PCDHGA3: variants seen among roughly 807,000 people sequenced by gnomAD.
The protein encoded by PCDHGA3 is protocadherin gamma-A3.
A neutral mutation model predicts 58.5 loss-of-function variants in PCDHGA3; 40 were observed. The observed-to-expected ratio is 0.68, with a 90% CI of 0.53 to 0.89. PCDHGA3 has a LOEUF of 0.89. Among genes scored for constraint, PCDHGA3 ranks in the 40% least tolerant of loss-of-function variants. The probability of loss-of-function intolerance (pLI) is 0.00; values close to 1 mark genes in which losing one functional copy is unlikely to be tolerated. For synonymous variants in PCDHGA3, 530 were observed against 525.7 expected (o/e 1.01, Z -0.11); for missense variants, 1,223 against 1,195.9 (o/e 1.02, Z -0.33).
rs781198519 is a variant in PCDHGA3 at position 141,432,162 on chromosome 5, G to A, written c.2425-62645G>A. ...TATATCCCAGAGAACAATCCCAGAG[G>A]AGTTTCCCTCGTCTCTGTGACCGCC... On this transcript the variant is annotated intron_variant, in intron 1 of 3. Coordinates refer to ENST00000253812, the MANE Select transcript of PCDHGA3 (RefSeq NM_018916.4). The surrounding 1 kb of genome is among the most constrained non-coding windows in gnomAD (Gnocchi z 6.0). 1 of 1,614,070 alleles carries A rather than the reference G, an allele frequency of 6.2e-7. No homozygotes were observed. The highest frequency in any genetic ancestry group is 8.5e-7 in the Non-Finnish European group (1 of 1,180,030).
At chr5:141,499,707 T>G (rs1303008532) in intron 2 of PCDHGA3, among the ~76,000 whole-genome samples, 2 of 150,494 alleles carry the variant, frequency 1.3e-5, no homozygotes, top group African/African-American at 2.5e-5. Flanking sequence ...TTTTTTTTTT[T>G]TTTTGGAGAC....
At chr5:141,407,958 A>C (rs1018466165) in intron 1 of PCDHGA3, 1 of 660,632 alleles carries the variant, frequency 1.5e-6, no homozygotes, top group African/African-American at 1.8e-5. Context: ...GCCAGTGCAG[A>C]GCAAGCGCTG....
chr5:141,345,630 A>G lies in PCDHGA3; in HGVS notation c.1597A>G (p.Thr533Ala). 1 of 1,614,206 alleles carries G rather than the reference A, an allele frequency of 6.2e-7. No homozygotes were observed. The highest frequency in any genetic ancestry group is 8.5e-7 in the Non-Finnish European group (1 of 1,180,048). ...ATTTAGAGACTTAAAGCTACTGGTG[A>G]CAGCCAGCGACAGCGGGAACCCTCC... ...EQFRDLKLLVTASDSGNPPLS... is the reference protein window; with the variant it reads ...EQFRDLKLLVAASDSGNPPLS... Residue 533 changes from threonine (T) to alanine (A), a missense_variant, in exon 1 of 4, where the codon ACA becomes GCA. Around this residue, in one of 3 missense-constraint regions of PCDHGA3, gnomAD observed 791 missense variants for 708.5 expected, o/e 1.12. Transcript: ENST00000253812.
In PCDHGA3 at chr5:141,476,978, C is replaced by G; in HGVS notation, c.2425-17829C>G. 1.2e-6 allele frequency: 2 copies of G among 1,614,256 alleles called. No individual in the cohort carries two copies. Among genetic ancestry groups the G allele is most frequent in the Non-Finnish European group, 1.7e-6 (2 of 1,180,058 alleles). Reference sequence around the variant, plus strand: ...TATTTACTCCTTCGGCAGCCACAACCGCGCCGGCGTGCGGCAACTATTCGC... The same window carrying G: ...TATTTACTCCTTCGGCAGCCACAACGGCGCCGGCGTGCGGCAACTATTCGC... On this transcript the variant is annotated intron_variant, in intron 1 of 3. Transcript: ENST00000253812. This position sits in a 1 kb window ranked among gnomAD's most constrained non-coding sequence, Gnocchi z 7.6.
chr5:141,480,607 C>T (rs2099522175), intron 1 of PCDHGA3, among the ~76,000 whole-genome samples: 1 of 145,670 alleles, frequency 6.9e-6, no homozygotes, highest in Admixed American at 6.8e-5. Context: ...GCCTGGAAAG[C>T]AACTGGCATT....
intron 1 of PCDHGA3, chr5:141,419,601 C>A (rs753678898): frequency 6.2e-7 from 1 of 1,611,818 alleles, no homozygotes; most frequent in Admixed American, 1.7e-5. Flanking sequence ...GTGCCGCGGG[C>A]CGCGCAGCCA....
chr5:141,382,263 T>C (rs1447947679), intron 1 of PCDHGA3, among the ~76,000 whole-genome samples: 1 of 152,242 alleles, frequency 6.6e-6, no homozygotes, highest in Non-Finnish European at 1.5e-5. Flanking sequence ...TCATGGTGTC[T>C]AGAACATATG....
intron 1 of PCDHGA3, 172 bp downstream of exon 1, chr5:141,346,629 C>A: frequency 1.0e-6 from 1 of 997,112 alleles, no homozygotes; most frequent in Non-Finnish European, 1.5e-6. Flanking sequence ...ACTCCCCGGT[C>A]TGGTTATGGT....
chr5:141,424,295 C>T (rs1481053072), intron 1 of PCDHGA3: 1 of 152,526 alleles, frequency 6.6e-6, no homozygotes, highest in East Asian at 1.9e-4. Flanking sequence ...TTTCTTCATC[C>T]TATCAACACA....
At position 141,403,043 on chromosome 5, in the gene PCDHGA3, A is replaced by C. The variant is rs779412498; in HGVS notation, c.2424+56586A>C. On this transcript the variant is annotated intron_variant, in intron 1 of 3. Coordinates refer to ENST00000253812, the MANE Select transcript of PCDHGA3 (RefSeq NM_018916.4). ...GCTATGGGAGGCCAGGGCCAGTCAG[A>C]TTCGCTACTCAGTGCCTGAAGAGAC... 21 of 1,614,070 alleles carry C rather than the reference A, an allele frequency of 1.3e-5. No homozygotes were observed. In the South Asian group the frequency reaches 2.3e-4, roughly 18 times the overall value.
chr5:141,443,555 C>T (rs1284929219), intron 1 of PCDHGA3, among the ~76,000 whole-genome samples: 1 of 152,130 alleles, frequency 6.6e-6, no homozygotes, highest in East Asian at 1.9e-4. Flanking sequence ...TGTTCCAATT[C>T]AAATGCTTTA....
chr5:141,376,631 G>A (rs1250313764), intron 1 of PCDHGA3: 5 of 1,182,416 alleles, frequency 4.2e-6, no homozygotes, highest in East Asian at 2.7e-5. Context: ...AGGAAGATTC[G>A]TGATTTTGTA....
At chr5:141,460,569 T>C (rs1234392082) in intron 1 of PCDHGA3, among the ~76,000 whole-genome samples, 2 of 152,100 alleles carry the variant, frequency 1.3e-5, no homozygotes, top group Admixed American at 1.3e-4. Context: ...GCCATGGACA[T>C]ATGTAGGTGT....
At chr5:141,469,548 C>A (rs2099204726) in intron 1 of PCDHGA3, among the ~76,000 whole-genome samples, 1 of 152,212 alleles carries the variant, frequency 6.6e-6, no homozygotes, top group East Asian at 1.9e-4. Context: ...GCACTCCAGC[C>A]TGGCGACAGA....
chr5:141,466,573 C>T (rs2099125317), intron 1 of PCDHGA3, among the ~76,000 whole-genome samples: 1 of 152,104 alleles, frequency 6.6e-6, no homozygotes, highest in South Asian at 2.1e-4. Context: ...TCAACATTGT[C>T]TCATCCCTTC....
rs994009107 is a variant in PCDHGA3 at position 141,490,364 on chromosome 5, G to A, written c.2425-4443G>A. ...ACAGTAGTGGGGTTGTTTAATGTGC[G>A]AGACCGGGACTCAGGTAGAAATGGT... On this transcript the variant is annotated intron_variant, in intron 1 of 3. Transcript: ENST00000253812. The surrounding 1 kb of genome is among the most constrained non-coding windows in gnomAD (Gnocchi z 5.4). 7 of 1,614,056 alleles carry A rather than the reference G, an allele frequency of 4.3e-6. No individual in the cohort carries two copies. In the African/African-American group the frequency reaches 5.3e-5, roughly 12 times the overall value.
chr5:141,475,343 G>A (rs1425482944), intron 1 of PCDHGA3, among the ~76,000 whole-genome samples: 1 of 152,178 alleles, frequency 6.6e-6, no homozygotes, highest in Non-Finnish European at 1.5e-5. Flanking sequence ...ATGACATCCA[G>A]TTTTAAAAGA....
intron 1 of PCDHGA3, among the ~76,000 whole-genome samples, chr5:141,387,227 A>C (rs1220813655): frequency 1.3e-5 from 2 of 152,230 alleles, no homozygotes; most frequent in Non-Finnish European, 2.9e-5. Flanking sequence ...AAGTTGAAAT[A>C]AATCAACTTG....
rs888556794 is a variant in PCDHGA3 at position 141,493,414 on chromosome 5, A to T, written c.2425-1393A>T. Among the ~76,000 whole-genome samples, 2 of 152,058 alleles carry T rather than the reference A, an allele frequency of 1.3e-5. No individual in the cohort carries two copies. Among genetic ancestry groups the T allele is most frequent in the Admixed American group, 6.6e-5 (1 of 15,248 alleles). ...GGAGAGGGGAGTTGCCTCTGCTGGG[A>T]TTTTGCTTCTGCTGGGATGGGGCAA... On this transcript the variant is annotated intron_variant, in intron 1 of 3. Coordinates refer to ENST00000253812, the MANE Select transcript of PCDHGA3 (RefSeq NM_018916.4). The surrounding 1 kb of genome is among the most constrained non-coding windows in gnomAD (Gnocchi z 4.3).
Sources: allele counts gnomAD v4.1 joint callset (sites outside exome capture counted in the v4.1 genomes callset), GRCh38; gene constraint gnomAD v4.1.1; regional missense constraint gnomAD v4.1.1; non-coding constraint Gnocchi (gnomAD v3.1); transcripts MANE v1.5; gene names NCBI Gene and HGNC (gene_info 2026-07-23, HGNC 2026-07-21).